The following ANO3 variants were observed in gnomAD, a reference collection of about 807,000 sequenced individuals.
ANO3 encodes the protein anoctamin 3.
In ANO3, 99 loss-of-function variants were observed where a neutral mutation model predicts 144.8. The ratio of observed to expected loss-of-function variants is 0.68; its 90% CI spans 0.58 to 0.81. The LOEUF is 0.81. ANO3 is among the 30% of genes least tolerant of loss of function. The pLI is 0.00. For missense variants in ANO3, 905 were observed against 1,202.2 expected, an observed-to-expected ratio of 0.75 and a Z score of 3.66; for synonymous variants, 414 against 392.6, an observed-to-expected ratio of 1.05 and a Z score of -0.64.
At chr11:26,542,126 A>G in intron 11 of ANO3, 58 bp downstream of exon 11, 1 of 1,557,028 alleles carries the variant, frequency 6.4e-7, no homozygotes, top group Non-Finnish European at 8.7e-7. Flanking sequence ...TCATTGTCTT[A>G]GACTTGGAAT....
At chr11:26,209,375 T>G (rs1851884487) in intron 1 of ANO3, among the ~76,000 whole-genome samples, 1 of 152,258 alleles carries the variant, frequency 6.6e-6, no homozygotes. Flanking sequence ...TGCCACATTT[T>G]CTTTATTCAG....
At chr11:26,248,558 A>G (rs1248385788) in intron 1 of ANO3, among the ~76,000 whole-genome samples, 1 of 152,168 alleles carries the variant, frequency 6.6e-6, no homozygotes, top group African/African-American at 2.4e-5. Context: ...AACAAAAGAC[A>G]AAAAGATTCC....
At chr11:26,333,284 C>CTT (rs34291798) in intron 1 of ANO3, among the ~76,000 whole-genome samples, 6 of 134,434 alleles carry the variant, frequency 4.5e-5, no homozygotes, top group Non-Finnish European at 9.8e-5. Flanking sequence ...AGCTCTTTGA[C>CTT]TTTTTTTTTT....
intron 1 of ANO3, among the ~76,000 whole-genome samples, chr11:26,376,899 A>G (rs966766617): frequency 8.5e-5 from 13 of 152,202 alleles, no homozygotes. Context: ...CATGCAAAGC[A>G]GAATTATTTG....
intron 14 of ANO3, among the ~76,000 whole-genome samples, chr11:26,576,996 T>TA (rs1851003563): frequency 6.6e-6 from 1 of 152,222 alleles, no homozygotes; most frequent in Non-Finnish European, 1.5e-5. Context: ...GTTGGCCCAT[T>TA]CAGATCTGAA....
chr11:26,551,399 G>C (rs1292492823), intron 12 of ANO3, among the ~76,000 whole-genome samples: 1 of 151,918 alleles, frequency 6.6e-6, no homozygotes, highest in African/African-American at 2.4e-5. Context: ...TAGTGGTTAA[G>C]TAAAGTCAAA....
At chr11:26,545,273 T>C (rs1849757633) in intron 11 of ANO3, among the ~76,000 whole-genome samples, 1 of 152,090 alleles carries the variant, frequency 6.6e-6, no homozygotes, top group Non-Finnish European at 1.5e-5. Flanking sequence ...TGGAGACCCA[T>C]AGGCACAGCC....
chr11:26,316,845 G>A (rs1267816208), intron 1 of ANO3, among the ~76,000 whole-genome samples: 1 of 152,168 alleles, frequency 6.6e-6, no homozygotes, highest in Non-Finnish European at 1.5e-5. Context: ...TCTGCAGGGG[G>A]AAGCACATCA....
rs74812979 is a variant in ANO3, at chr11:26,228,142, G to A, written c.154+38812G>A. Among the ~76,000 whole-genome samples, 9 of 152,272 alleles carry A rather than the reference G, an allele frequency of 5.9e-5. 1 individual carries two copies. In the South Asian group the frequency reaches 1.9e-3, roughly 32 times the overall value. On this transcript the variant is annotated intron_variant, in intron 1 of 27. Transcript: ENST00000672621. ...TTGTGGTTTGCATCTTGGCTTAGCCGAAAGGGTATGATTATTATTTAAATA... is the reference window on the plus strand; with the variant it reads ...TTGTGGTTTGCATCTTGGCTTAGCCAAAAGGGTATGATTATTATTTAAATA...
chr11:26,588,239 G>T (rs991517312), intron 14 of ANO3, among the ~76,000 whole-genome samples: 2 of 152,076 alleles, frequency 1.3e-5, no homozygotes, highest in African/African-American at 4.8e-5. Flanking sequence ...TTAGCTATTT[G>T]TATTATTAAT....
intron 4 of ANO3, among the ~76,000 whole-genome samples, chr11:26,502,697 T>C (rs1053061808): frequency 9.2e-5 from 14 of 152,138 alleles, no homozygotes; most frequent in African/African-American, 3.1e-4. Context: ...ATGCGCAAAA[T>C]AGAGCATTGT....
chr11:26,365,911 A>C (rs1368123341), intron 1 of ANO3, among the ~76,000 whole-genome samples: 1 of 150,790 alleles, frequency 6.6e-6, no homozygotes, highest in Non-Finnish European at 1.5e-5. Context: ...TGAGTACTTA[A>C]TCCACAGCCT....
chr11:26,514,009 A>G (rs1331925845), intron 5 of ANO3, among the ~76,000 whole-genome samples: 1 of 152,164 alleles, frequency 6.6e-6, no homozygotes, highest in East Asian at 1.9e-4. Context: ...AAGTAAAAGT[A>G]TAGGCATAGA....
intron 1 of ANO3, among the ~76,000 whole-genome samples, chr11:26,400,915 C>A (rs1857131414): frequency 6.6e-6 from 1 of 151,534 alleles, no homozygotes; most frequent in Non-Finnish European, 1.5e-5. Context: ...ACACATTATA[C>A]TTCAAAAAAA....
At chr11:26,195,878 T>G (rs1403802410) in intron 1 of ANO3, among the ~76,000 whole-genome samples, 2 of 152,174 alleles carry the variant, frequency 1.3e-5, no homozygotes, top group Admixed American at 6.5e-5. Flanking sequence ...AGACACCTAC[T>G]TTGTAGAGTT....
chr11:26,415,056 A>ATGTG (rs149901742), intron 1 of ANO3, among the ~76,000 whole-genome samples: 66,581 of 145,244 alleles, frequency 0.46, 15,582 homozygotes, highest in East Asian at 0.56. Context: ...ATTGGTGTGT[A>ATGTG]TGTGTGTGTG....
intron 1 of ANO3, among the ~76,000 whole-genome samples, chr11:26,411,710 T>G (rs544604550): frequency 7.2e-6 from 1 of 138,022 alleles, no homozygotes; most frequent in Non-Finnish European, 1.6e-5. Context: ...ATTAGATGAG[T>G]GTATGCAGAA....
intron 14 of ANO3, among the ~76,000 whole-genome samples, chr11:26,573,363 TGTG>T (rs1850900539): frequency 6.6e-6 from 1 of 152,208 alleles, no homozygotes; most frequent in Non-Finnish European, 1.5e-5. Context: ...CTGTCTCTAC[TGTG>T]GTACGAAGAA....
intron 1 of ANO3, among the ~76,000 whole-genome samples, chr11:26,253,210 A>T (rs569662760): frequency 6.6e-6 from 1 of 152,330 alleles, no homozygotes; most frequent in East Asian, 1.9e-4. Context: ...ACATGACAAA[A>T]GTGTGCTAAA....
Sources: gnomAD v4.1 joint callset for allele counts (sites outside exome capture counted in the v4.1 genomes callset) on GRCh38, gnomAD v4.1.1 for gene constraint, MANE v1.5 for transcripts, NCBI Gene and HGNC (gene_info 2026-07-23, HGNC 2026-07-21) for gene names.